NDST1: variants seen among roughly 807,000 people sequenced by gnomAD.
NDST1 encodes the protein N-deacetylase and N-sulfotransferase 1, also known as bifunctional heparan sulfate N-deacetylase/N-sulfotransferase 1.
In NDST1, 35 loss-of-function variants were observed where a neutral mutation model predicts 92.8. The ratio of observed to expected loss-of-function variants is 0.38; its 90% CI spans 0.29 to 0.50. NDST1 has a LOEUF of 0.50. Among genes scored for constraint, NDST1 ranks in the 20% least tolerant of loss-of-function variants. The probability of loss-of-function intolerance (pLI) is 0.94; values close to 1 mark genes in which losing one functional copy is unlikely to be tolerated. For synonymous variants in NDST1, 493 were observed against 500.3 expected, an observed-to-expected ratio of 0.99 and a Z score of 0.19; for missense variants, 822 against 1,182.7, an observed-to-expected ratio of 0.69 and a Z score of 4.47.
rs574830993 is a variant in NDST1 at position 150,521,198 on chromosome 5, G to T, written c.-57G>T. On this transcript the variant is annotated 5_prime_UTR_variant, in exon 2 of 15. Transcript: ENST00000261797. This position sits in a 1 kb window ranked among gnomAD's most constrained non-coding sequence, Gnocchi z 5.9. ...ATTCTCGTGTCTCCTCCTGTGTGGG[G>T]CCTTGGGGTAGCCAGGGCAGGCCGG... 1,682 of 1,518,898 alleles carry T rather than the reference G, an allele frequency of 1.1e-3. 2 individuals carry two copies. Among genetic ancestry groups the T allele is most frequent in the Non-Finnish European group, 1.4e-3 (1,577 of 1,127,040 alleles). The allele number at this position is 1,518,898 out of a possible 1,614,324, so 94.1% of individuals were successfully genotyped here.
chr5:150,548,205 T>G lies in NDST1; in HGVS notation c.2146-13T>G. 1 of 1,614,066 alleles carries G rather than the reference T, an allele frequency of 6.2e-7. No homozygotes were observed. Reference sequence around the variant, plus strand: ...CTCCAAGTGGCATGCTGACCCTCTTTCCTTGCCTGCAGCACCAGCGAGCCC... The same window carrying G: ...CTCCAAGTGGCATGCTGACCCTCTTGCCTTGCCTGCAGCACCAGCGAGCCC... On this transcript the variant is annotated splice_polypyrimidine_tract_variant and intron_variant, in intron 11 of 14. Transcript: ENST00000261797.
chr5:150,534,725 T>C (rs1254570037), intron 4 of NDST1, 142 bp from the exon 5 acceptor site: 1 of 969,680 alleles, frequency 1.0e-6, no homozygotes, highest in African/African-American at 1.6e-5. Flanking sequence ...GGGCTCTGTC[T>C]GCTCCTGTGC....
intron 1 of NDST1, among the ~76,000 whole-genome samples, chr5:150,517,732 C>T (rs562599336): frequency 6.6e-6 from 1 of 152,308 alleles, no homozygotes; most frequent in South Asian, 2.1e-4. Flanking sequence ...CACAGGGTTT[C>T]GTGGCTCCCA....
chr5:150,548,155 C>A (rs1278860076), intron 11 of NDST1, 63 bp from the exon 12 acceptor site: 2 of 1,605,172 alleles, frequency 1.2e-6, no homozygotes, highest in Non-Finnish European at 1.7e-6. Flanking sequence ...GGCTGCTGTC[C>A]CTCTCAGGCC....
At chr5:150,551,673 TG>T in intron 13 of NDST1, 79 bp from the exon 14 acceptor site, 1 of 1,547,274 alleles carries the variant, frequency 6.5e-7, no homozygotes, top group Non-Finnish European at 8.8e-7. Context: ...CTGCCATTCC[TG>T]GGGTCCATGA....
At chr5:150,518,103 A>C (rs1754066037) in intron 1 of NDST1, among the ~76,000 whole-genome samples, 2 of 152,288 alleles carry the variant, frequency 1.3e-5, no homozygotes, top group African/African-American at 4.8e-5. Flanking sequence ...CTAGAATTGC[A>C]GGGAGTCCCT....
chr5:150,544,825 G>A (rs1044362734), intron 10 of NDST1, among the ~76,000 whole-genome samples: 1 of 152,186 alleles, frequency 6.6e-6, no homozygotes, highest in African/African-American at 2.4e-5. Context: ...CCACAGTGAC[G>A]GCCTAGAAGG....
Position 150,502,815 on chromosome 5 carries a change from C to T in NDST1, c.-388+4576C>T, listed in dbSNP as rs138628334. On this transcript the variant is annotated intron_variant, in intron 1 of 1. Transcript: ENST00000518299. The stretch of plus-strand genomic sequence containing the variant: ...CTTCTGGGGTAGGCAAGGTTGGGGG[C>T]GGAAGGGTGGGGTGGAGGTTCAGGC... Among the ~76,000 whole-genome samples the T allele has an allele frequency of 3.6e-3, 499 of 137,248 alleles. 2 individuals are homozygous for T. The highest frequency in any genetic ancestry group is 0.012 in the African/African-American group (477 of 38,864). The allele number at this position is 137,248 out of a possible 152,430, so 90.0% of individuals were successfully genotyped here. A position where few individuals can be genotyped will look rare whatever the true frequency, so the allele number is the denominator to read the frequency against.
chr5:150,503,043 C>T (rs200884481), intron 1 of NDST1, among the ~76,000 whole-genome samples: 11 of 151,972 alleles, frequency 7.2e-5, no homozygotes, highest in African/African-American at 1.9e-4. Context: ...AGACTGTGGA[C>T]GAGTAACATA....
intron 10 of NDST1, among the ~76,000 whole-genome samples, chr5:150,543,398 G>A (rs1371852495): frequency 6.6e-6 from 1 of 152,142 alleles, no homozygotes; most frequent in Non-Finnish European, 1.5e-5. Context: ...GCGTCACTTG[G>A]GGAAGTCATT....
At chr5:150,498,573 G>A (rs1254046281) in intron 1 of NDST1, among the ~76,000 whole-genome samples, 1 of 152,176 alleles carries the variant, frequency 6.6e-6, no homozygotes, top group Non-Finnish European at 1.5e-5. Flanking sequence ...GGACTCCCTA[G>A]CCCAGGCCCT....
intron 13 of NDST1, among the ~76,000 whole-genome samples, chr5:150,550,263 G>A (rs1755663955): frequency 6.6e-6 from 1 of 151,996 alleles, no homozygotes; most frequent in African/African-American, 2.4e-5. Context: ...CACCATGCCT[G>A]GCTAATTTTT....
chr5:150,512,637 A>G (rs1023595967), intron 1 of NDST1, among the ~76,000 whole-genome samples: 2 of 152,016 alleles, frequency 1.3e-5, no homozygotes, highest in Admixed American at 6.5e-5. Context: ...TCAATTCACT[A>G]CTAATTTGAT....
At chr5:150,502,138 T>G (rs1191566141) in intron 1 of NDST1, among the ~76,000 whole-genome samples, 2 of 151,996 alleles carry the variant, frequency 1.3e-5, no homozygotes, top group African/African-American at 4.8e-5. Context: ...GCGGGCCCGA[T>G]GTGAGGACTG....
At chr5:150,530,557 ATTTTTTTTTTTT>A (rs71589713) in intron 3 of NDST1, among the ~76,000 whole-genome samples, 30 of 127,222 alleles carry the variant, frequency 2.4e-4, no homozygotes, top group Non-Finnish European at 3.2e-4. Context: ...CGTATTTTAA[ATTTTTTTTTTTT>A]TTTTTTTTTT....
intron 1 of NDST1, among the ~76,000 whole-genome samples, chr5:150,513,375 C>T (rs1753812642): frequency 6.6e-6 from 1 of 152,156 alleles, no homozygotes; most frequent in African/African-American, 2.4e-5. Context: ...CCTGTAATCC[C>T]CACTACTCAG....
Position 150,541,666 on chromosome 5 carries a change from G to A in NDST1, c.1846G>A (p.Gly616Ser). 1 of 1,614,104 alleles carries A rather than the reference G, an allele frequency of 6.2e-7. No homozygotes were observed. Among genetic ancestry groups the A allele is most frequent in the Non-Finnish European group, 8.5e-7 (1 of 1,179,946 alleles). The change falls in exon 9 of 15, where the codon GGC (glycine) becomes AGC (serine). Residue 616 changes from glycine to serine, a missense_variant and splice_region_variant. Physicochemically the swap from Gly to Ser is moderately conservative, Grantham distance 56. Transcript: ENST00000261797. ...KLLIIGPQKT[G>S]TTALYLFLGM... ...CCTCATCATCGGCCCCCAGAAAACA[G>A]GCAGGTCTCTCTGCTCTTGACCGAG...
chr5:150,557,011 G>A lies in NDST1; in HGVS notation c.*3679G>A, dbSNP rs1755883919. On this transcript the variant is annotated 3_prime_UTR_variant, in exon 15 of 15. Transcript: ENST00000261797. This position sits in a 1 kb window ranked among gnomAD's most constrained non-coding sequence, Gnocchi z 4.7. ...GAATTTGTCAGATTGTTTGCTCATG[G>A]TGTCGCATAACCACTTCTTCTATCC... 1 of 152,610 alleles carries A rather than the reference G, an allele frequency of 6.6e-6. No individual in the cohort carries two copies. Among genetic ancestry groups the A allele is most frequent in the Non-Finnish European group, 1.5e-5 (1 of 68,044 alleles). 9.5% of individuals were successfully genotyped at this position (152,610 alleles called of 1,614,324 possible).
intron 4 of NDST1, among the ~76,000 whole-genome samples, chr5:150,534,079 T>A (rs1456417916): frequency 6.8e-6 from 1 of 147,754 alleles, no homozygotes; most frequent in African/African-American, 2.5e-5. Flanking sequence ...TAAGACTCCA[T>A]CTCAAAACAA....
Sources: gnomAD v4.1 joint callset for allele counts (sites outside exome capture counted in the v4.1 genomes callset) on GRCh38, gnomAD v4.1.1 for gene constraint, Gnocchi (gnomAD v3.1) non-coding constraint, MANE v1.5 for transcripts, NCBI Gene and HGNC (gene_info 2026-07-23, HGNC 2026-07-21) for gene names.